COG5: variants seen among roughly 807,000 people sequenced by gnomAD.
COG5 encodes conserved oligomeric Golgi complex subunit 5.
A neutral mutation model predicts 110.4 loss-of-function variants in COG5; 86 were observed. That is an observed-to-expected ratio of 0.78 (90% CI 0.65 to 0.93). The LOEUF is 0.93. COG5 is among the 40% of genes least tolerant of loss of function. COG5 has a pLI of 0.00. For synonymous variants in COG5, 360 were observed against 334.6 expected (o/e 1.08, Z -0.83); for missense variants, 1,077 against 987.0 (o/e 1.09, Z -1.22).
chr7:107,445,472 C>T (rs965399874), intron 6 of COG5, among the ~76,000 whole-genome samples: 35 of 152,158 alleles, frequency 2.3e-4, no homozygotes, highest in African/African-American at 7.7e-4. Context: ...AAACTGAAAG[C>T]AATTCTTCAA....
rs756210462 is a variant in COG5, at chr7:107,236,594, A to G, written c.1947T>C (p.Phe649=). The G allele has an allele frequency of 6.2e-7, 1 of 1,614,098 alleles. No homozygotes were observed. Among genetic ancestry groups the G allele is most frequent in the Non-Finnish European group, 8.5e-7 (1 of 1,179,962 alleles). The change falls in exon 18 of 22, where the codon TTT becomes TTC. Residue 649 remains phenylalanine, a synonymous_variant. Transcript: ENST00000297135. ...CAAAATCCAAGCATTCAAAGTGTTT[A>G]AAATAGTCACTCATAACTCTGGCAA... is the stretch of plus-strand genomic sequence containing the variant. ...GFIARVMSDY[F]KHFECLDFVF...
chr7:107,447,137 G>T (rs1189845521), intron 6 of COG5, among the ~76,000 whole-genome samples: 1 of 152,048 alleles, frequency 6.6e-6, no homozygotes, highest in Non-Finnish European at 1.5e-5. Flanking sequence ...TGTCAGCTGG[G>T]GGATATTCTC....
intron 10 of COG5, among the ~76,000 whole-genome samples, chr7:107,350,541 A>G (rs1424148262): frequency 6.6e-6 from 1 of 152,192 alleles, no homozygotes; most frequent in East Asian, 1.9e-4. Flanking sequence ...AGAGTCTAAA[A>G]GCCATTTTGC....
intron 16 of COG5, among the ~76,000 whole-genome samples, chr7:107,251,995 G>C (rs1320745325): frequency 6.6e-6 from 1 of 151,970 alleles, no homozygotes; most frequent in Non-Finnish European, 1.5e-5. Flanking sequence ...AACAGGAAGA[G>C]AACACAAATC....
chr7:107,431,012 C>CA (rs551597553), intron 6 of COG5, among the ~76,000 whole-genome samples: 33 of 151,600 alleles, frequency 2.2e-4, no homozygotes, highest in Non-Finnish European at 3.2e-4. Flanking sequence ...AACAAACAAA[C>CA]AAAAAAAACA....
chr7:107,433,310 A>G (rs1043541691), intron 6 of COG5, among the ~76,000 whole-genome samples: 3 of 152,196 alleles, frequency 2.0e-5, no homozygotes, highest in African/African-American at 7.2e-5. Context: ...AAATCCCAAC[A>G]GCATTTTGTG....
chr7:107,445,387 A>C (rs75260322), intron 6 of COG5, among the ~76,000 whole-genome samples: 1 of 152,194 alleles, frequency 6.6e-6, no homozygotes, highest in Admixed American at 6.5e-5. Flanking sequence ...AGATTCTTCA[A>C]CTAAACTATC....
chr7:107,268,195 C>A (rs144533910), intron 14 of COG5, among the ~76,000 whole-genome samples: 1 of 152,084 alleles, frequency 6.6e-6, no homozygotes, highest in Non-Finnish European at 1.5e-5. Context: ...CTCAAACTCC[C>A]GAACTCAGGT....
chr7:107,220,063 C>T (rs1276558351), intron 19 of COG5, among the ~76,000 whole-genome samples: 1 of 152,150 alleles, frequency 6.6e-6, no homozygotes, highest in East Asian at 1.9e-4. Context: ...CTAGAAGTGG[C>T]AAAGCAAGGA....
intron 6 of COG5, among the ~76,000 whole-genome samples, chr7:107,432,464 G>A (rs751579030): frequency 8.5e-5 from 13 of 152,174 alleles, no homozygotes; most frequent in Non-Finnish European, 1.5e-4. Context: ...CTAATCCTCT[G>A]AGGACATGAA....
intron 16 of COG5, among the ~76,000 whole-genome samples, chr7:107,251,910 T>C (rs566862443): frequency 6.6e-6 from 1 of 151,674 alleles, no homozygotes; most frequent in African/African-American, 2.4e-5. Flanking sequence ...CAGAGAAAAC[T>C]AGTAAAGTTA....
intron 6 of COG5, among the ~76,000 whole-genome samples, chr7:107,507,298 T>A (rs1343932221): frequency 1.8e-5 from 1 of 55,324 alleles, no homozygotes; most frequent in East Asian, 7.5e-4. Flanking sequence ...TTTTCTTTTC[T>A]TTTTTTTTTT....
intron 6 of COG5, among the ~76,000 whole-genome samples, chr7:107,483,381 A>G (rs1797459645): frequency 1.3e-5 from 2 of 152,160 alleles, no homozygotes; most frequent in Non-Finnish European, 2.9e-5. Flanking sequence ...AGCATTATTG[A>G]AAATCAGCTG....
intron 5 of COG5, among the ~76,000 whole-genome samples, chr7:107,531,964 A>G (rs1801243552): frequency 6.6e-6 from 1 of 152,150 alleles, no homozygotes. Context: ...CTGGTATAAA[A>G]ATGTTCCAGG....
intron 14 of COG5, among the ~76,000 whole-genome samples, chr7:107,268,666 G>A (rs1454248285): frequency 6.6e-6 from 1 of 152,112 alleles, no homozygotes; most frequent in African/African-American, 2.4e-5. Flanking sequence ...TTAGTCTGAG[G>A]CTGTCTTGTA....
chr7:107,486,136 A>C (rs1401812756), intron 6 of COG5, among the ~76,000 whole-genome samples: 1 of 152,186 alleles, frequency 6.6e-6, no homozygotes, highest in Non-Finnish European at 1.5e-5. Flanking sequence ...GGCCAAAAAA[A>C]AATTATAATT....
At chr7:107,513,294 A>G (rs1408379882) in intron 6 of COG5, among the ~76,000 whole-genome samples, 2 of 152,190 alleles carry the variant, frequency 1.3e-5, no homozygotes, top group African/African-American at 4.8e-5. Flanking sequence ...GACACATGAA[A>G]AAATGCTCAT....
chr7:107,361,231 A>G (rs1813085624), intron 10 of COG5, among the ~76,000 whole-genome samples: 1 of 152,326 alleles, frequency 6.6e-6, no homozygotes, highest in East Asian at 1.9e-4. Flanking sequence ...AGAATCAGGG[A>G]TTCCTATGCA....
At chr7:107,368,153 T>G (rs1435396027) in intron 8 of COG5, among the ~76,000 whole-genome samples, 1 of 151,788 alleles carries the variant, frequency 6.6e-6, no homozygotes, top group African/African-American at 2.4e-5. Flanking sequence ...CAATTTCTTA[T>G]TTTTTTTAAA....
Sources: allele counts gnomAD v4.1 joint callset (sites outside exome capture counted in the v4.1 genomes callset), GRCh38; gene constraint gnomAD v4.1.1; transcripts MANE v1.5; gene names NCBI Gene and HGNC (gene_info 2026-07-23, HGNC 2026-07-21).